Variants in EHBP1 observed in about 807,000 individuals in gnomAD.
The protein encoded by EHBP1 is EH domain binding protein 1.
A neutral mutation model predicts 144.0 loss-of-function variants in EHBP1; 55 were observed. That is an observed-to-expected ratio of 0.38 (90% CI 0.31 to 0.48). The LOEUF (loss-of-function observed/expected upper bound fraction) is 0.48, where lower values mean the gene tolerates loss of function less well. EHBP1 is among the 20% of genes least tolerant of loss of function. EHBP1 has a pLI of 0.98. For synonymous variants in EHBP1, 469 were observed against 472.7 expected, an observed-to-expected ratio of 0.99 and a Z score of 0.10; for missense variants, 1,200 against 1,364.2, an observed-to-expected ratio of 0.88 and a Z score of 1.90.
At chr2:62,962,058 C>T (rs1168992620) in intron 14 of EHBP1, among the ~76,000 whole-genome samples, 2 of 152,046 alleles carry the variant, frequency 1.3e-5, no homozygotes, top group African/African-American at 4.8e-5. Flanking sequence ...GGTGTGGTGG[C>T]CCACGCCTGT....
intron 7 of EHBP1, among the ~76,000 whole-genome samples, chr2:62,850,029 A>G (rs1297466170): frequency 1.3e-5 from 2 of 152,174 alleles, no homozygotes; most frequent in African/African-American, 4.8e-5. Context: ...GGCAGAGGGA[A>G]GAGTAATTAT....
chr2:62,824,126 A>G (rs1012303364), intron 5 of EHBP1, among the ~76,000 whole-genome samples: 7 of 152,036 alleles, frequency 4.6e-5, no homozygotes, highest in Admixed American at 3.3e-4. Flanking sequence ...AAAAAATGAA[A>G]TTGGCAGAAT....
intron 19 of EHBP1, among the ~76,000 whole-genome samples, chr2:63,030,928 T>G (rs967871203): frequency 7.9e-5 from 12 of 151,494 alleles, no homozygotes; most frequent in Admixed American, 3.3e-4. Context: ...CCTGAGTAGC[T>G]GGGATCACAG....
chr2:62,952,930 A>G (rs1206356143), intron 13 of EHBP1, among the ~76,000 whole-genome samples: 1 of 152,204 alleles, frequency 6.6e-6, no homozygotes, highest in Non-Finnish European at 1.5e-5. Context: ...TTAGAATTGT[A>G]TAATATGGCC....
intron 10 of EHBP1, among the ~76,000 whole-genome samples, chr2:62,933,239 T>C (rs1419691895): frequency 2.6e-5 from 4 of 152,084 alleles, no homozygotes; most frequent in African/African-American, 9.7e-5. Flanking sequence ...AAGACTGACA[T>C]TGTTTTTCAT....
intron 15 of EHBP1, among the ~76,000 whole-genome samples, chr2:62,980,440 G>A (rs1465527319): frequency 6.6e-6 from 1 of 152,184 alleles, no homozygotes; most frequent in Admixed American, 6.5e-5. Flanking sequence ...ATGGCCCTGG[G>A]TTTGAGGACC....
intron 2 of EHBP1, among the ~76,000 whole-genome samples, chr2:62,743,983 G>A (rs1038785709): frequency 6.6e-6 from 1 of 152,032 alleles, no homozygotes; most frequent in African/African-American, 2.4e-5. Context: ...GATTTAAGAT[G>A]TTCCTTTTTA....
At chr2:62,770,534 A>G (rs1049929867) in intron 4 of EHBP1, among the ~76,000 whole-genome samples, 1 of 152,212 alleles carries the variant, frequency 6.6e-6, no homozygotes, top group Non-Finnish European at 1.5e-5. Context: ...TGTGGAGAAA[A>G]GGGAACACTT....
At chr2:62,725,092 C>T (rs993466303) in intron 2 of EHBP1, among the ~76,000 whole-genome samples, 1 of 152,174 alleles carries the variant, frequency 6.6e-6, no homozygotes, top group Non-Finnish European at 1.5e-5. Flanking sequence ...ACTGTGTGCT[C>T]TAACTCTGGA....
chr2:62,825,238 A>G (rs554257567), intron 5 of EHBP1, among the ~76,000 whole-genome samples: 16 of 152,154 alleles, frequency 1.1e-4, no homozygotes, highest in South Asian at 4.1e-4. Flanking sequence ...AATTTACACG[A>G]TGTCTTGTAC....
chr2:62,726,017 G>A (rs1299547313), intron 2 of EHBP1, among the ~76,000 whole-genome samples: 1 of 152,090 alleles, frequency 6.6e-6, no homozygotes, highest in African/African-American at 2.4e-5. Context: ...CAGACCAAGG[G>A]ACACAGGGGT....
chr2:62,697,111 G>T (rs2151755590), intron 1 of EHBP1, among the ~76,000 whole-genome samples: 1 of 152,256 alleles, frequency 6.6e-6, no homozygotes, highest in Non-Finnish European at 1.5e-5. Flanking sequence ...TGTTTTGGCT[G>T]ATGTTTAACA....
At chr2:62,806,676 CTA>C (rs1370334932) in intron 5 of EHBP1, among the ~76,000 whole-genome samples, 2 of 151,920 alleles carry the variant, frequency 1.3e-5, no homozygotes, top group African/African-American at 4.8e-5. Context: ...TGAGCATTTT[CTA>C]TGATTCCACT....
intron 5 of EHBP1, among the ~76,000 whole-genome samples, chr2:62,820,348 T>C (rs1420950371): frequency 1.3e-5 from 2 of 152,150 alleles, no homozygotes; most frequent in Admixed American, 1.3e-4. Flanking sequence ...TTTTTCACTT[T>C]TTAGTTGTGG....
At chr2:62,876,765 C>T (rs1014425535) in intron 10 of EHBP1, among the ~76,000 whole-genome samples, 1 of 152,156 alleles carries the variant, frequency 6.6e-6, no homozygotes, top group African/African-American at 2.4e-5. Flanking sequence ...AACCAGATCT[C>T]ATGAGAACTC....
intron 19 of EHBP1, among the ~76,000 whole-genome samples, chr2:63,015,002 A>G (rs1191520537): frequency 6.6e-6 from 1 of 152,188 alleles, no homozygotes; most frequent in African/African-American, 2.4e-5. Flanking sequence ...ATTTGAGCTT[A>G]GAGTTAAATT....
At chr2:62,822,800 A>G (rs1352814314) in intron 5 of EHBP1, among the ~76,000 whole-genome samples, 2 of 152,196 alleles carry the variant, frequency 1.3e-5, no homozygotes, top group East Asian at 1.9e-4. Flanking sequence ...AATCTGCCAA[A>G]GATTAACCAA....
chr2:63,004,030 G>A (rs1029776261), intron 19 of EHBP1, among the ~76,000 whole-genome samples: 1 of 152,014 alleles, frequency 6.6e-6, no homozygotes, highest in Non-Finnish European at 1.5e-5. Context: ...TTTCTATAAA[G>A]TATTATTTTG....
At chr2:62,674,708 T>C (rs2033222638) in intron 1 of EHBP1, among the ~76,000 whole-genome samples, 1 of 152,196 alleles carries the variant, frequency 6.6e-6, no homozygotes, top group Non-Finnish European at 1.5e-5. Context: ...CCTCACAAAG[T>C]GTGTTTGTGC....
Sources: gnomAD v4.1 joint callset for allele counts (sites outside exome capture counted in the v4.1 genomes callset) on GRCh38, gnomAD v4.1.1 for gene constraint, MANE v1.5 for transcripts, NCBI Gene and HGNC (gene_info 2026-07-23, HGNC 2026-07-21) for gene names.